The following EYA2 variants were observed in gnomAD, a reference collection of about 807,000 sequenced individuals.
EYA2 encodes the protein EYA transcriptional coactivator and phosphatase 2.
Under a neutral mutation model 69.2 loss-of-function variants are expected in EYA2, and 31 were observed. That is an observed-to-expected ratio of 0.45 (90% CI 0.34 to 0.60). EYA2 has a LOEUF of 0.60. Ranked by LOEUF, EYA2 falls within the 20% of genes least tolerant of loss-of-function variation. The probability of loss-of-function intolerance (pLI) is 0.02; values close to 1 mark genes in which losing one functional copy is unlikely to be tolerated. For synonymous variants in EYA2, 257 were observed against 279.4 expected (o/e 0.92, Z 0.80); for missense variants, 622 against 701.2 (o/e 0.89, Z 1.28).
chr20:47,004,830 C>G (rs779222973), intron 3 of EYA2, 112 bp from the exon 4 acceptor site: 9 of 1,409,544 alleles, frequency 6.4e-6, no homozygotes, highest in African/African-American at 1.4e-5. Context: ...TATGTTGTCT[C>G]TGCTCTGGAA....
intron 8 of EYA2, among the ~76,000 whole-genome samples, chr20:47,089,915 G>A (rs1376291224): frequency 2.0e-5 from 3 of 152,140 alleles, no homozygotes; most frequent in South Asian, 2.1e-4. Context: ...TAGGGGGGAG[G>A]AGGGGAGTTT....
chr20:47,171,605 A>G (rs2034323997), intron 11 of EYA2, among the ~76,000 whole-genome samples: 1 of 152,060 alleles, frequency 6.6e-6, no homozygotes, highest in Non-Finnish European at 1.5e-5. Flanking sequence ...AATTGGCCCA[A>G]ACTCACATGG....
chr20:47,179,705 C>T, intron 12 of EYA2, 93 bp from the exon 13 acceptor site: 1 of 829,306 alleles, frequency 1.2e-6, no homozygotes, highest in Non-Finnish European at 1.9e-6. Flanking sequence ...TGATTTTAAC[C>T]CTCAGGGTAC....
chr20:47,117,513 G>A (rs892030110), intron 9 of EYA2: 32 of 985,264 alleles, frequency 3.2e-5, no homozygotes, highest in Non-Finnish European at 3.5e-5. Flanking sequence ...TTCCTCCGCG[G>A]GTGTTATTAC....
intron 1 of EYA2, among the ~76,000 whole-genome samples, chr20:46,986,224 C>T (rs957787325): frequency 1.1e-4 from 17 of 150,714 alleles, no homozygotes; most frequent in Non-Finnish European, 1.8e-4. Context: ...TGCATGTATA[C>T]GTGGGGACAT....
chr20:47,165,984 A>G (rs3092005), intron 10 of EYA2, among the ~76,000 whole-genome samples: 90,251 of 151,848 alleles, frequency 0.59, 27,723 homozygotes, highest in African/African-American at 0.75. Context: ...GAGCCCAGAA[A>G]TTCAAGACCA....
At chr20:47,027,460 T>TG (rs1568732499) in intron 5 of EYA2, among the ~76,000 whole-genome samples, 2 of 152,192 alleles carry the variant, frequency 1.3e-5, no homozygotes, top group Admixed American at 6.5e-5. Context: ...ACCTCCAGCC[T>TG]GGGGGGTCAC....
At chr20:47,161,244 T>C in intron 10 of EYA2, 2 of 527,358 alleles carry the variant, frequency 3.8e-6, no homozygotes, top group Admixed American at 2.5e-5. Context: ...ATGGGGACAA[T>C]GGAGAGCTAG....
chr20:47,108,835 G>A (rs1355546374), intron 9 of EYA2, among the ~76,000 whole-genome samples: 1 of 151,946 alleles, frequency 6.6e-6, no homozygotes, highest in Non-Finnish European at 1.5e-5. Context: ...GATTACAGGC[G>A]TGAGCTACTG....
chr20:47,103,616 G>A (rs565878200), intron 9 of EYA2, among the ~76,000 whole-genome samples: 1 of 152,204 alleles, frequency 6.6e-6, no homozygotes, highest in Admixed American at 6.5e-5. Context: ...AAAGTTCAGA[G>A]TGTAGGGGGA....
chr20:47,097,064 T>A (rs1287005294), intron 8 of EYA2, 21 bp from the exon 9 acceptor site: 1 of 1,595,510 alleles, frequency 6.3e-7, no homozygotes. Context: ...TTCTCCATTC[T>A]CTTCCTCTCT....
At chr20:47,051,203 C>T (rs1199239561) in intron 5 of EYA2, among the ~76,000 whole-genome samples, 6 of 152,242 alleles carry the variant, frequency 3.9e-5, no homozygotes, top group Non-Finnish European at 7.3e-5. Context: ...CGTTCTGCAT[C>T]GCTTCGCCAT....
rs529620787 is a variant in EYA2 at position 46,935,638 on chromosome 20, A to T, written c.-11+40651A>T. ...CACCTCTCTGTGCCTTGGACTCCTC[A>T]TGGGAAAAAATGGGGCTAATATTAG... On this transcript the variant is annotated intron_variant, in intron 1 of 15. Coordinates refer to ENST00000327619, the MANE Select transcript of EYA2 (RefSeq NM_005244.5). Among the ~76,000 whole-genome samples, 172 of 152,146 alleles carry T rather than the reference A, an allele frequency of 1.1e-3. 1 individual carries two copies. Among genetic ancestry groups the T allele is most frequent in the Admixed American group, 2.6e-3 (40 of 15,274 alleles).
intron 5 of EYA2, among the ~76,000 whole-genome samples, chr20:47,045,944 T>C (rs914000546): frequency 1.3e-5 from 2 of 152,244 alleles, no homozygotes; most frequent in Admixed American, 1.3e-4. Context: ...TGTCCTCTTC[T>C]ATACGACAGC....
chr20:47,184,456 C>T (rs2034598100), intron 15 of EYA2, among the ~76,000 whole-genome samples: 1 of 149,032 alleles, frequency 6.7e-6, no homozygotes, highest in Non-Finnish European at 1.5e-5. Flanking sequence ...CTCACTCTGG[C>T]ACCTAGGCTG....
chr20:46,952,514 C>T (rs1978864475), intron 1 of EYA2, among the ~76,000 whole-genome samples: 1 of 152,220 alleles, frequency 6.6e-6, no homozygotes, highest in Admixed American at 6.5e-5. Flanking sequence ...TGAGCACCTC[C>T]TTTGTGCAGC....
intron 9 of EYA2, among the ~76,000 whole-genome samples, chr20:47,137,883 G>GC (rs2033511768): frequency 6.6e-6 from 1 of 151,530 alleles, no homozygotes; most frequent in East Asian, 1.9e-4. Context: ...GTAAACTATC[G>GC]CAAGAACAAA....
chr20:46,996,051 A>C (rs1253259070), intron 2 of EYA2, among the ~76,000 whole-genome samples: 1 of 152,236 alleles, frequency 6.6e-6, no homozygotes, highest in Admixed American at 6.5e-5. Flanking sequence ...TTTCTTTGGA[A>C]AGAACATCAA....
chr20:47,102,487 T>C (rs2032452375), intron 9 of EYA2, among the ~76,000 whole-genome samples: 1 of 152,246 alleles, frequency 6.6e-6, no homozygotes, highest in African/African-American at 2.4e-5. Flanking sequence ...AGCAGCACTT[T>C]GCTTGTGGCC....
Sources: allele counts gnomAD v4.1 joint callset (sites outside exome capture counted in the v4.1 genomes callset), GRCh38; gene constraint gnomAD v4.1.1; transcripts MANE v1.5; gene names NCBI Gene and HGNC (gene_info 2026-07-23, HGNC 2026-07-21).